Variants in DACH2 observed in about 807,000 individuals in gnomAD.
DACH2 encodes dachshund homolog 2.
A neutral mutation model predicts 35.8 loss-of-function variants in DACH2; 17 were observed. The ratio of observed to expected loss-of-function variants is 0.48; its 90% CI spans 0.33 to 0.71. The LOEUF is 0.71. Among genes scored for constraint, DACH2 ranks in the 30% least tolerant of loss-of-function variants. The probability of loss-of-function intolerance (pLI) is 0.02; values close to 1 mark genes in which losing one functional copy is unlikely to be tolerated. For synonymous variants in DACH2, 195 were observed against 177.3 expected, an observed-to-expected ratio of 1.10 and a Z score of -0.79; for missense variants, 469 against 472.7, an observed-to-expected ratio of 0.99 and a Z score of 0.07.
At chrX:86,692,872 T>C (rs907547395) in intron 4 of DACH2, among the ~76,000 whole-genome samples, 3 of 112,165 alleles carry the variant, frequency 2.7e-5, no homozygotes, top group Non-Finnish European at 5.6e-5. Context: ...TAATCATGTT[T>C]ATTGGCCTAA....
intron 10 of DACH2, 30 bp from the exon 11 acceptor site, chrX:86,816,004 T>C: frequency 9.0e-7 from 1 of 1,109,736 alleles, no homozygotes; most frequent in Non-Finnish European, 1.2e-6. Context: ...CACCTAATTG[T>C]ATATTAATCT....
intron 9 of DACH2, among the ~76,000 whole-genome samples, chrX:86,813,725 A>G (rs1443132709): frequency 1.8e-5 from 2 of 110,072 alleles, no homozygotes; most frequent in African/African-American, 6.6e-5. Context: ...GGCCAACTAT[A>G]TGGTCCTTCG....
chrX:86,210,803 A>G (rs2032427930), intron 1 of DACH2, among the ~76,000 whole-genome samples: 1 of 111,942 alleles, frequency 8.9e-6, no homozygotes, highest in Non-Finnish European at 1.9e-5. Context: ...GGATTTGGTA[A>G]AGCCATTACA....
chrX:86,445,714 G>T (rs891688397), intron 2 of DACH2, among the ~76,000 whole-genome samples: 3 of 109,971 alleles, frequency 2.7e-5, no homozygotes, highest in African/African-American at 9.9e-5. Context: ...TGTCACTGTG[G>T]TAAGAAAAAA....
At chrX:86,361,567 T>C (rs2035739907) in intron 1 of DACH2, among the ~76,000 whole-genome samples, 1 of 111,463 alleles carries the variant, frequency 9.0e-6, no homozygotes, top group South Asian at 3.7e-4. Flanking sequence ...GTTAAGTGTT[T>C]AGGGGCTTTA....
intron 7 of DACH2, among the ~76,000 whole-genome samples, chrX:86,800,094 A>C (rs7885300): frequency 8.9e-6 from 1 of 112,454 alleles, no homozygotes; most frequent in Admixed American, 9.4e-5. Flanking sequence ...TCAGATGATT[A>C]ACCTTTGTAT....
intron 4 of DACH2, among the ~76,000 whole-genome samples, chrX:86,664,934 G>C (rs2040649110): frequency 8.9e-6 from 1 of 111,758 alleles, no homozygotes; most frequent in Non-Finnish European, 1.9e-5. Flanking sequence ...AAAATGCCTA[G>C]GCTGTTATTT....
At chrX:86,313,458 A>G (rs754781810) in intron 1 of DACH2, among the ~76,000 whole-genome samples, 1 of 111,753 alleles carries the variant, frequency 8.9e-6, no homozygotes, top group African/African-American at 3.2e-5. Flanking sequence ...TCATTTCTCA[A>G]TTTAAAACAA....
intron 2 of DACH2, among the ~76,000 whole-genome samples, chrX:86,437,047 A>G (rs997549313): frequency 1.8e-5 from 2 of 111,250 alleles, no homozygotes; most frequent in Non-Finnish European, 1.9e-5. Context: ...ATTCTTAGGT[A>G]TCCTGGCTAG....
At chrX:86,272,994 T>G (rs748144309) in intron 1 of DACH2, among the ~76,000 whole-genome samples, 1 of 111,496 alleles carries the variant, frequency 9.0e-6, no homozygotes, top group South Asian at 3.8e-4. Flanking sequence ...ATTTCCCTTC[T>G]TCCCAAGTTG....
intron 7 of DACH2, among the ~76,000 whole-genome samples, chrX:86,766,994 T>G (rs2041941521): frequency 1.8e-5 from 2 of 112,000 alleles, no homozygotes; most frequent in Non-Finnish European, 3.8e-5. Context: ...ACATTTAAAT[T>G]TTCTTTTGCC....
chrX:86,745,765 C>T, intron 7 of DACH2, among the ~76,000 whole-genome samples: 1 of 111,621 alleles, frequency 9.0e-6, no homozygotes, highest in South Asian at 3.7e-4. Flanking sequence ...AATGGGATTG[C>T]TGGCTCAAAT....
chrX:86,303,099 A>G (rs1274858100), intron 1 of DACH2, among the ~76,000 whole-genome samples: 2 of 103,334 alleles, frequency 1.9e-5, no homozygotes, highest in African/African-American at 7.1e-5. Context: ...AAACGCAGAC[A>G]TTGTGGCCCC....
At chrX:86,514,490 T>A in intron 3 of DACH2, 99 bp downstream of exon 3, 6 of 800,076 alleles carry the variant, frequency 7.5e-6, no homozygotes, top group African/African-American at 2.0e-5. Flanking sequence ...TCAGAGCTTT[T>A]CAAGCTCTAT....
At chrX:86,288,706 G>C (rs1422487307) in intron 1 of DACH2, among the ~76,000 whole-genome samples, 3 of 111,516 alleles carry the variant, frequency 2.7e-5, no homozygotes, top group African/African-American at 9.8e-5. Flanking sequence ...GACTACCACT[G>C]ATATTTCCTT....
intron 2 of DACH2, among the ~76,000 whole-genome samples, chrX:86,383,716 G>A (rs889514066): frequency 1.7e-4 from 18 of 106,904 alleles, no homozygotes; most frequent in African/African-American, 6.1e-4. Flanking sequence ...TGTCCACTCT[G>A]ACCTTGTAAT....
chrX:86,785,548 C>T (rs944691743), intron 7 of DACH2, among the ~76,000 whole-genome samples: 3 of 111,508 alleles, frequency 2.7e-5, no homozygotes, highest in Admixed American at 9.6e-5. Context: ...AGAATAGGAT[C>T]TTTGGACAGA....
At chrX:86,421,113 T>C (rs1433953936) in intron 2 of DACH2, among the ~76,000 whole-genome samples, 1 of 111,736 alleles carries the variant, frequency 8.9e-6, no homozygotes, top group Non-Finnish European at 1.9e-5. Flanking sequence ...AATATACACG[T>C]GTACACGGAT....
chrX:86,300,385 A>G (rs1306466568), intron 1 of DACH2, among the ~76,000 whole-genome samples: 1 of 111,487 alleles, frequency 9.0e-6, no homozygotes, highest in Non-Finnish European at 1.9e-5. Flanking sequence ...CTTGTTTTTA[A>G]AAAGTTTATT....
Sources: gnomAD v4.1 joint callset for allele counts (sites outside exome capture counted in the v4.1 genomes callset) on GRCh38, gnomAD v4.1.1 for gene constraint, MANE v1.5 for transcripts, NCBI Gene and HGNC (gene_info 2026-07-23, HGNC 2026-07-21) for gene names.